The following COMMD1 variants were observed in gnomAD, a reference collection of about 807,000 sequenced individuals.
COMMD1 encodes the protein COMM domain-containing protein 1.
Under a neutral mutation model 17.2 loss-of-function variants are expected in COMMD1, and 10 were observed. That is an observed-to-expected ratio of 0.58 (90% CI 0.36 to 0.99). COMMD1 has a LOEUF of 0.99. COMMD1 is among the 50% of genes least tolerant of loss of function. The pLI is 0.01. For synonymous variants in COMMD1, 97 were observed against 91.6 expected (o/e 1.06, Z -0.34); for missense variants, 270 against 231.8 (o/e 1.17, Z -1.07).
intron 2 of COMMD1, among the ~76,000 whole-genome samples, chr2:62,106,139 A>G: frequency 6.6e-6 from 1 of 152,220 alleles, no homozygotes; most frequent in Non-Finnish European, 1.5e-5. Flanking sequence ...CTGATATTAC[A>G]GGCATAAGCC....
intron 1 of COMMD1, among the ~76,000 whole-genome samples, chr2:61,891,015 G>C (rs536745866): frequency 1.3e-5 from 2 of 152,184 alleles, no homozygotes; most frequent in African/African-American, 4.8e-5. Flanking sequence ...CATTAATTTT[G>C]GGATGTAAAA....
At chr2:62,079,445 G>T (rs942810432) in intron 2 of COMMD1, among the ~76,000 whole-genome samples, 1 of 152,214 alleles carries the variant, frequency 6.6e-6, no homozygotes, top group African/African-American at 2.4e-5. Flanking sequence ...TATTAGGACA[G>T]TCCCAAGTCT....
chr2:62,019,132 C>T (rs909459236), intron 2 of COMMD1, among the ~76,000 whole-genome samples: 6 of 132,488 alleles, frequency 4.5e-5, no homozygotes, highest in Admixed American at 7.9e-5. Flanking sequence ...TCCCTCCCTC[C>T]CTTCCTTCCT....
In COMMD1 at chr2:62,019,336, G is replaced by A. The variant is rs542786940; in HGVS notation, c.462+18354G>A. On this transcript the variant is annotated intron_variant, in intron 2 of 2. Transcript: ENST00000311832. ...TTACAGGCACCCACCGCCACACCCA[G>A]CTAATTTTTTGTATTTTTAGTAGAG... 1.1e-4 allele frequency among the ~76,000 whole-genome samples: 17 copies of A among 151,930 alleles called. No individual in the cohort carries two copies. The South Asian group carries it at 3.5e-3, about 32-fold the overall frequency.
intron 1 of COMMD1, among the ~76,000 whole-genome samples, chr2:62,000,337 A>G (rs1233512443): frequency 2.0e-5 from 3 of 149,928 alleles, no homozygotes; most frequent in African/African-American, 4.9e-5. Flanking sequence ...CAGTGGCGCA[A>G]TTTTGGCTCA....
chr2:62,072,724 G>A (rs1458782605), intron 2 of COMMD1, among the ~76,000 whole-genome samples: 1 of 152,174 alleles, frequency 6.6e-6, no homozygotes, highest in East Asian at 1.9e-4. Context: ...CTGAGTTTTC[G>A]GGCACCACCG....
In COMMD1 at chr2:62,020,103, C is replaced by T. The variant is rs563839100; in HGVS notation, c.462+19121C>T. Among the ~76,000 whole-genome samples, 272 of 152,286 alleles carry T rather than the reference C, an allele frequency of 1.8e-3. 1 individual carries two copies. Among genetic ancestry groups the T allele is most frequent in the Non-Finnish European group, 3.4e-3 (228 of 68,024 alleles). On this transcript the variant is annotated intron_variant, in intron 2 of 2. Coordinates refer to ENST00000311832, the MANE Select transcript of COMMD1 (RefSeq NM_152516.4). ...GAGGCTCCTCAGATGTATGTAGTTT[C>T]TTCAGCTCCTTGAGTACATTACTTC...
At chr2:62,034,357 A>G (rs1669987978) in intron 2 of COMMD1, among the ~76,000 whole-genome samples, 1 of 152,038 alleles carries the variant, frequency 6.6e-6, no homozygotes, top group Non-Finnish European at 1.5e-5. Flanking sequence ...AAAATTAGCC[A>G]GGCGTGGTGG....
chr2:62,119,764 G>C (rs1672696239), intron 2 of COMMD1, among the ~76,000 whole-genome samples: 1 of 152,164 alleles, frequency 6.6e-6, no homozygotes, highest in South Asian at 2.1e-4. Context: ...GAATTGGTTT[G>C]ATTAGTACCA....
At chr2:61,972,792 T>A (rs1573017602) in intron 1 of COMMD1, among the ~76,000 whole-genome samples, 1 of 152,152 alleles carries the variant, frequency 6.6e-6, no homozygotes, top group Admixed American at 6.5e-5. Context: ...ATATTTGTTA[T>A]GTATGTGTTT....
chr2:62,130,044 G>A (rs903270159), intron 2 of COMMD1, among the ~76,000 whole-genome samples: 2 of 151,892 alleles, frequency 1.3e-5, no homozygotes, highest in East Asian at 3.9e-4. Flanking sequence ...GCGTGGTGGT[G>A]GGTGCCTGTA....
intron 2 of COMMD1, among the ~76,000 whole-genome samples, chr2:62,119,680 T>A (rs1418357159): frequency 6.6e-6 from 1 of 152,198 alleles, no homozygotes; most frequent in East Asian, 1.9e-4. Context: ...AGAAACCACA[T>A]TGAGAAGGCT....
chr2:61,922,604 C>T (rs925899815), intron 1 of COMMD1, among the ~76,000 whole-genome samples: 4 of 152,178 alleles, frequency 2.6e-5, no homozygotes, highest in African/African-American at 9.7e-5. Context: ...GTGTGAGCCA[C>T]CATGCCCGGC....
At chr2:61,996,004 C>A (rs934109954) in intron 1 of COMMD1, among the ~76,000 whole-genome samples, 4 of 152,108 alleles carry the variant, frequency 2.6e-5, no homozygotes, top group Non-Finnish European at 5.9e-5. Context: ...CATACCATAT[C>A]ATACTACACT....
At chr2:62,042,055 G>A (rs568771251) in intron 2 of COMMD1, among the ~76,000 whole-genome samples, 1 of 152,308 alleles carries the variant, frequency 6.6e-6, no homozygotes, top group South Asian at 2.1e-4. Flanking sequence ...ATTTTACAGA[G>A]AGCTGATTGG....
chr2:62,036,070 AC>A (rs1670032192), intron 2 of COMMD1, among the ~76,000 whole-genome samples: 2 of 151,982 alleles, frequency 1.3e-5, no homozygotes, highest in African/African-American at 4.8e-5. Flanking sequence ...ACACACACAC[AC>A]ACACACACAC....
intron 1 of COMMD1, among the ~76,000 whole-genome samples, chr2:61,921,637 G>A (rs1197857864): frequency 1.3e-5 from 2 of 152,098 alleles, no homozygotes; most frequent in East Asian, 3.9e-4. Context: ...TAGAGACGGG[G>A]TTTCACCGTG....
intron 1 of COMMD1, among the ~76,000 whole-genome samples, chr2:61,942,250 T>C (rs1355950841): frequency 6.6e-6 from 1 of 151,358 alleles, no homozygotes; most frequent in African/African-American, 2.4e-5. Context: ...ATTACAGGCA[T>C]GCGCCACCAC....
At chr2:62,099,754 C>T (rs551833400) in intron 2 of COMMD1, among the ~76,000 whole-genome samples, 33 of 151,982 alleles carry the variant, frequency 2.2e-4, no homozygotes, top group Non-Finnish European at 4.1e-4. Flanking sequence ...AAACACCAGG[C>T]GACCAGCCCT....
Sources: allele counts gnomAD v4.1 joint callset (sites outside exome capture counted in the v4.1 genomes callset), GRCh38; gene constraint gnomAD v4.1.1; transcripts MANE v1.5; gene names NCBI Gene and HGNC (gene_info 2026-07-23, HGNC 2026-07-21).